The following MACROD2 variants were observed in gnomAD, a reference collection of about 807,000 sequenced individuals.
MACROD2 encodes the protein ADP-ribose glycohydrolase MACROD2.
A neutral mutation model predicts 70.4 loss-of-function variants in MACROD2; 36 were observed. That is an observed-to-expected ratio of 0.51 (90% confidence interval 0.39 to 0.68). MACROD2 has a LOEUF of 0.68. MACROD2 is among the 30% of genes least tolerant of loss of function. The pLI is 0.00. For missense variants in MACROD2, 496 were observed against 538.4 expected (o/e 0.92, Z 0.78); for synonymous variants, 172 against 178.8 (o/e 0.96, Z 0.30).
At chr20:15,911,921 G>A (rs1236547477) in intron 10 of MACROD2, among the ~76,000 whole-genome samples, 1 of 152,306 alleles carries the variant, frequency 6.6e-6, no homozygotes, top group African/African-American at 2.4e-5. Context: ...CAGGAGAATC[G>A]CTTGAACCCC....
intron 3 of MACROD2, among the ~76,000 whole-genome samples, chr20:14,310,352 T>G (rs1334519456): frequency 2.6e-5 from 4 of 151,986 alleles, no homozygotes; most frequent in African/African-American, 9.7e-5. Flanking sequence ...AAAATTACAG[T>G]CATGTGCTGC....
At chr20:15,570,365 C>A (rs534140674) in intron 8 of MACROD2, among the ~76,000 whole-genome samples, 1 of 152,254 alleles carries the variant, frequency 6.6e-6, no homozygotes, top group Non-Finnish European at 1.5e-5. Context: ...CCAGTCTGAG[C>A]AAAGTTCTCT....
At chr20:14,788,582 A>G (rs1464542618) in intron 5 of MACROD2, among the ~76,000 whole-genome samples, 2 of 8,124 alleles carry the variant, frequency 2.5e-4, no homozygotes, top group African/African-American at 7.8e-4. Flanking sequence ...TCACATCTCA[A>G]AAAAAAAAAA....
At chr20:14,471,796 T>TA (rs776975093) in intron 3 of MACROD2, among the ~76,000 whole-genome samples, 1 of 152,218 alleles carries the variant, frequency 6.6e-6, no homozygotes, top group Non-Finnish European at 1.5e-5. Context: ...TATTGAGGGG[T>TA]AAAACATGAA....
chr20:14,937,914 C>T (rs775435401), intron 5 of MACROD2, among the ~76,000 whole-genome samples: 4 of 151,796 alleles, frequency 2.6e-5, no homozygotes, highest in South Asian at 2.1e-4. Context: ...GTCCCATGTA[C>T]GATTGATGTG....
intron 5 of MACROD2, among the ~76,000 whole-genome samples, chr20:14,698,175 G>C (rs2071148679): frequency 6.6e-6 from 1 of 152,050 alleles, no homozygotes; most frequent in Non-Finnish European, 1.5e-5. Context: ...TTTACTTGGG[G>C]GCCCTTCCTT....
chr20:15,839,032 C>A (rs1019480916), intron 8 of MACROD2, among the ~76,000 whole-genome samples: 3 of 151,962 alleles, frequency 2.0e-5, no homozygotes, highest in Non-Finnish European at 4.4e-5. Flanking sequence ...TGTCTTTTGC[C>A]CAAATTATTT....
intron 3 of MACROD2, among the ~76,000 whole-genome samples, chr20:14,163,923 G>T (rs931127554): frequency 6.6e-6 from 1 of 151,528 alleles, no homozygotes. Context: ...TACATATTTT[G>T]AATTATTTTT....
At chr20:14,073,874 A>G (rs1476979792) in intron 2 of MACROD2, among the ~76,000 whole-genome samples, 1 of 152,222 alleles carries the variant, frequency 6.6e-6, no homozygotes, top group Non-Finnish European at 1.5e-5. Context: ...ATTGACAAAG[A>G]CTGTCTCTTT....
At position 14,764,625 on chromosome 20, in the gene MACROD2, A is replaced by G. The variant is rs370338986; in HGVS notation, c.418+79666A>G. Among the ~76,000 whole-genome samples the G allele has an allele frequency of 1.4e-4, 22 of 152,198 alleles. No homozygotes were observed. In the South Asian group the frequency reaches 4.6e-3, roughly 32 times the overall value. On this transcript the variant is annotated intron_variant, in intron 5 of 17. Transcript: ENST00000684519. ...ACCCTAAAACAGTTTCTAAAATCTT[A>G]GTGACAAGAAGTTGTTACCAGACAT...
intron 8 of MACROD2, among the ~76,000 whole-genome samples, chr20:15,795,811 A>C (rs1168010848): frequency 6.6e-6 from 1 of 152,148 alleles, no homozygotes; most frequent in African/African-American, 2.4e-5. Context: ...CGACTGTGGG[A>C]ACATCCGTTG....
rs1410698029 is a variant in MACROD2, at chr20:14,120,255, C to CA, written c.271+34533dup. The stretch of plus-strand genomic sequence containing the variant: ...AAAAAGAAGAAGACATTTATGTGGC[C>CA]AAAAAACACATGATAAAAAGCTCAG... On this transcript the variant is annotated intron_variant, in intron 3 of 17. Coordinates refer to ENST00000684519, the MANE Select transcript of MACROD2 (RefSeq NM_001351661.2). Among the ~76,000 whole-genome samples the CA allele has an allele frequency of 5.4e-5, 8 of 149,190 alleles. No individual in the cohort carries two copies. The East Asian group carries it at 1.6e-3, about 29-fold the overall frequency.
intron 6 of MACROD2, among the ~76,000 whole-genome samples, chr20:15,362,360 T>A (rs2078362761): frequency 6.6e-6 from 1 of 152,172 alleles, no homozygotes; most frequent in South Asian, 2.1e-4. Flanking sequence ...GCGGACATCC[T>A]TACCTTATTT....
chr20:14,114,579 T>C (rs1269495044), intron 3 of MACROD2, among the ~76,000 whole-genome samples: 1 of 152,078 alleles, frequency 6.6e-6, no homozygotes, highest in African/African-American at 2.4e-5. Context: ...CACCCTGACA[T>C]GAACTGTTAC....
intron 6 of MACROD2, among the ~76,000 whole-genome samples, chr20:15,338,016 G>A (rs2078067516): frequency 6.6e-6 from 1 of 151,636 alleles, no homozygotes. Context: ...CTTGACTATA[G>A]GCAGTTGGCC....
intron 5 of MACROD2, among the ~76,000 whole-genome samples, chr20:15,037,492 C>T (rs950016691): frequency 6.6e-6 from 1 of 152,140 alleles, no homozygotes; most frequent in African/African-American, 2.4e-5. Context: ...GTTTGTGGTA[C>T]AACTCTTTAG....
At chr20:15,571,019 A>G (rs1045082609) in intron 8 of MACROD2, among the ~76,000 whole-genome samples, 6 of 152,178 alleles carry the variant, frequency 3.9e-5, no homozygotes, top group Admixed American at 1.3e-4. Flanking sequence ...ACCCACTATT[A>G]TCATCTTTTC....
intron 8 of MACROD2, among the ~76,000 whole-genome samples, chr20:15,808,033 G>A (rs1424598667): frequency 2.6e-5 from 4 of 152,068 alleles, no homozygotes; most frequent in African/African-American, 4.8e-5. Flanking sequence ...TCTAATTACC[G>A]GTGTGTGCAT....
At chr20:15,881,018 G>A (rs945726513) in intron 9 of MACROD2, among the ~76,000 whole-genome samples, 3 of 151,960 alleles carry the variant, frequency 2.0e-5, no homozygotes, top group Non-Finnish European at 2.9e-5. Flanking sequence ...CAGATAATCT[G>A]TTACCTTCTT....
Sources: allele counts gnomAD v4.1 joint callset (sites outside exome capture counted in the v4.1 genomes callset), GRCh38; gene constraint gnomAD v4.1.1; transcripts MANE v1.5; gene names NCBI Gene and HGNC (gene_info 2026-07-23, HGNC 2026-07-21).